RIT2: variants seen among roughly 807,000 people sequenced by gnomAD.
The protein encoded by RIT2 is Ras like without CAAX 2.
A neutral mutation model predicts 23.7 loss-of-function variants in RIT2; 24 were observed. The observed-to-expected ratio is 1.01, with a 90% CI of 0.73 to 1.43. RIT2 has a LOEUF of 1.43. RIT2 is among the 40% of genes most tolerant of loss of function. RIT2 has a pLI of 0.00. For synonymous variants in RIT2, 107 were observed against 91.1 expected (o/e 1.17, Z -0.99); for missense variants, 236 against 266.9 (o/e 0.88, Z 0.81).
chr18:43,068,905 G>T (rs187337440), intron 1 of RIT2, among the ~76,000 whole-genome samples: 1 of 152,094 alleles, frequency 6.6e-6, no homozygotes, highest in Non-Finnish European at 1.5e-5. Context: ...ATTCGAACCA[G>T]AGTGACTCCA....
chr18:42,906,465 CT>C (rs1354005437), intron 4 of RIT2, among the ~76,000 whole-genome samples: 1 of 151,948 alleles, frequency 6.6e-6, no homozygotes. Context: ...ATAAAAGGGT[CT>C]TTTTTTCCTT....
intron 4 of RIT2, among the ~76,000 whole-genome samples, chr18:42,756,963 C>T (rs1250438617): frequency 2.6e-5 from 4 of 151,856 alleles, no homozygotes; most frequent in Non-Finnish European, 4.4e-5. Context: ...TTATATAACT[C>T]TACAATGTCT....
chr18:42,952,491 T>C (rs1223967367), intron 3 of RIT2, among the ~76,000 whole-genome samples: 1 of 152,064 alleles, frequency 6.6e-6, no homozygotes, highest in Non-Finnish European at 1.5e-5. Flanking sequence ...TGATACTGTA[T>C]AGCATACTGG....
intron 3 of RIT2, among the ~76,000 whole-genome samples, chr18:42,948,078 T>C (rs1170206888): frequency 6.6e-6 from 1 of 152,108 alleles, no homozygotes; most frequent in African/African-American, 2.4e-5. Flanking sequence ...TGTTTCAGTA[T>C]GATACACCAT....
chr18:42,860,908 C>G (rs568328587), intron 4 of RIT2, among the ~76,000 whole-genome samples: 1 of 152,254 alleles, frequency 6.6e-6, no homozygotes, highest in African/African-American at 2.4e-5. Context: ...TAAAACCTAT[C>G]TATCTCTGAG....
At chr18:42,806,420 G>A (rs60809285) in intron 4 of RIT2, among the ~76,000 whole-genome samples, 10,953 of 151,954 alleles carry the variant, frequency 0.072, 1,253 homozygotes, top group African/African-American at 0.25. Flanking sequence ...AGTGAGCTGT[G>A]ATTGTGCCAT....
chr18:42,917,253 C>A (rs144272498), intron 4 of RIT2, among the ~76,000 whole-genome samples: 1 of 152,240 alleles, frequency 6.6e-6, no homozygotes, highest in African/African-American at 2.4e-5. Flanking sequence ...CCAGGACTAT[C>A]TGATTCTTTC....
At chr18:42,952,308 TA>T (rs1457991216) in intron 3 of RIT2, among the ~76,000 whole-genome samples, 2 of 152,086 alleles carry the variant, frequency 1.3e-5, no homozygotes, top group Admixed American at 1.3e-4. Flanking sequence ...TGATACCACT[TA>T]TGTGAGGAAT....
At chr18:43,033,361 T>A (rs1389315593) in intron 2 of RIT2, among the ~76,000 whole-genome samples, 1 of 152,146 alleles carries the variant, frequency 6.6e-6, no homozygotes, top group East Asian at 1.9e-4. Flanking sequence ...GAATGATGGA[T>A]AATATTATGT....
chr18:42,889,042 CCT>C (rs1276205161), intron 4 of RIT2, among the ~76,000 whole-genome samples: 1 of 151,654 alleles, frequency 6.6e-6, no homozygotes, highest in Non-Finnish European at 1.5e-5. Flanking sequence ...CATGTGCCCC[CCT>C]GTTTCTAAAT....
chr18:42,758,533 G>A (rs1913221213), intron 4 of RIT2, among the ~76,000 whole-genome samples: 1 of 146,704 alleles, frequency 6.8e-6, no homozygotes, highest in Non-Finnish European at 1.5e-5. Context: ...TTTATTTTGA[G>A]AAGGAGTTTT....
chr18:43,057,708 C>A (rs1431817911), intron 1 of RIT2, among the ~76,000 whole-genome samples: 1 of 151,848 alleles, frequency 6.6e-6, no homozygotes, highest in East Asian at 1.9e-4. Flanking sequence ...TATAGTTTTC[C>A]ATATTCCACC....
At chr18:42,862,624 T>C (rs1907358935) in intron 4 of RIT2, among the ~76,000 whole-genome samples, 1 of 152,222 alleles carries the variant, frequency 6.6e-6, no homozygotes, top group African/African-American at 2.4e-5. Context: ...AATTTCATAT[T>C]TGTGAGTCCA....
chr18:43,101,878 T>C (rs984170041), intron 1 of RIT2, among the ~76,000 whole-genome samples: 1 of 152,172 alleles, frequency 6.6e-6, no homozygotes, highest in Admixed American at 6.5e-5. Context: ...AGCTCATTCA[T>C]TAAGACGGAG....
intron 4 of RIT2, among the ~76,000 whole-genome samples, chr18:42,803,688 A>G (rs1905601521): frequency 6.6e-6 from 1 of 152,218 alleles, no homozygotes; most frequent in Non-Finnish European, 1.5e-5. Context: ...GGGGCAATTA[A>G]TACATGCTTT....
intron 4 of RIT2, among the ~76,000 whole-genome samples, chr18:42,909,796 A>G (rs927654426): frequency 6.6e-6 from 1 of 152,046 alleles, no homozygotes; most frequent in African/African-American, 2.4e-5. Flanking sequence ...AAAAAAAAAA[A>G]TTATAAAAGA....
intron 2 of RIT2, among the ~76,000 whole-genome samples, chr18:42,988,026 GGAAGGGACAAA>G (rs1910754053): frequency 1.3e-5 from 2 of 152,064 alleles, no homozygotes; most frequent in African/African-American, 4.8e-5. Flanking sequence ...CATGATATTT[GGAAGGGACAAA>G]TATACAAATT....
Position 42,881,048 on chromosome 18 carries a change from C to T in RIT2, c.426+42524G>A, listed in dbSNP as rs1335422688. ...CCTGAACTTCCAACCTCAGGTGATCCACCCGCCTCGGCCTCCCAAAGTGCT... is the reference window on the plus strand; with the variant it reads ...CCTGAACTTCCAACCTCAGGTGATCTACCCGCCTCGGCCTCCCAAAGTGCT... On this transcript the variant is annotated intron_variant, in intron 4 of 4. Transcript: ENST00000326695. Among the ~76,000 whole-genome samples the T allele has an allele frequency of 2.0e-5, 3 of 152,082 alleles. No homozygotes were observed. In the East Asian group the frequency reaches 5.8e-4, roughly 29 times the overall value.
intron 4 of RIT2, among the ~76,000 whole-genome samples, chr18:42,774,557 A>T (rs1913623902): frequency 6.6e-6 from 1 of 152,160 alleles, no homozygotes; most frequent in South Asian, 2.1e-4. Flanking sequence ...GACACAGAGA[A>T]ATCAGGTCAA....
Sources: allele counts gnomAD v4.1 joint callset (sites outside exome capture counted in the v4.1 genomes callset), GRCh38; gene constraint gnomAD v4.1.1; transcripts MANE v1.5; gene names NCBI Gene and HGNC (gene_info 2026-07-23, HGNC 2026-07-21).